PPP1R9A: variants seen among roughly 807,000 people sequenced by gnomAD.
PPP1R9A encodes neurabin-1.
In PPP1R9A, 59 loss-of-function variants were observed where a neutral mutation model predicts 141.9. That is an observed-to-expected ratio of 0.42 (90% confidence interval 0.34 to 0.52). The LOEUF is 0.52. Ranked by LOEUF, PPP1R9A falls within the 20% of genes least tolerant of loss-of-function variation. The pLI, the probability that PPP1R9A is intolerant of heterozygous loss-of-function variation, is 0.10. For synonymous variants in PPP1R9A, 500 were observed against 569.7 expected (o/e 0.88, Z 1.74); for missense variants, 1,444 against 1,611.9 (o/e 0.90, Z 1.78).
At chr7:95,114,000 C>T (rs1243375166) in intron 3 of PPP1R9A, among the ~76,000 whole-genome samples, 2 of 152,148 alleles carry the variant, frequency 1.3e-5, no homozygotes, top group East Asian at 1.9e-4. Context: ...GTAATGCTTA[C>T]ATTTTTCATA....
chr7:95,290,485 C>G lies in PPP1R9A; in HGVS notation c.*182C>G. ...CAATAGAATGCACTCTTAATTTTAACTACTAAAATAATCCCAAGCCACCTT... is the reference window on the plus strand; with the variant it reads ...CAATAGAATGCACTCTTAATTTTAAGTACTAAAATAATCCCAAGCCACCTT... On this transcript the variant is annotated 3_prime_UTR_variant, in exon 20 of 20. Coordinates refer to ENST00000433360, the MANE Select transcript of PPP1R9A (RefSeq NM_001166160.2). 1 of 662,012 alleles carries G rather than the reference C, an allele frequency of 1.5e-6. No individual in the cohort carries two copies. The allele number at this position is 662,012 out of a possible 1,614,324, so 41.0% of individuals were successfully genotyped here. A position where few individuals can be genotyped will look rare whatever the true frequency, so the allele number is the denominator to read the frequency against.
In PPP1R9A at chr7:95,161,983, C is replaced by A; in HGVS notation, c.1754+12C>A. 1 of 1,534,360 alleles carries A rather than the reference C, an allele frequency of 6.5e-7. No individual in the cohort carries two copies. Among genetic ancestry groups the A allele is most frequent in the Non-Finnish European group, 9.0e-7 (1 of 1,112,728 alleles). On this transcript the variant is annotated intron_variant, in intron 5 of 19. Transcript: ENST00000433360. ...AAGGGCAACGTCAGGTAAATACGTG[C>A]CTTCTAATATACACCATGTTGTTAC...
At chr7:95,240,565 A>G (rs1341140892) in intron 8 of PPP1R9A, among the ~76,000 whole-genome samples, 1 of 151,086 alleles carries the variant, frequency 6.6e-6, no homozygotes, top group African/African-American at 2.4e-5. Flanking sequence ...CTTTTTGTTA[A>G]TTTTTTATTG....
intron 16 of PPP1R9A, among the ~76,000 whole-genome samples, chr7:95,282,764 C>A (rs1804521302): frequency 1.3e-5 from 2 of 152,162 alleles, no homozygotes; most frequent in African/African-American, 4.8e-5. Context: ...TCACTGACTT[C>A]TTCATTCTCT....
At position 94,910,745 on chromosome 7, in the gene PPP1R9A, A is replaced by T. The variant is rs892188732; in HGVS notation, c.632A>T (p.Asn211Ile). Residue 211 changes from asparagine to isoleucine, a missense_variant, in exon 2 of 20, where the codon AAC (asparagine) becomes ATC (isoleucine). Physicochemically the swap from Asn to Ile is moderately radical, Grantham distance 149. Around this residue, in one of 5 missense-constraint regions of PPP1R9A, gnomAD observed 490 missense variants for 521.1 expected, o/e 0.94. Coordinates refer to ENST00000433360, the MANE Select transcript of PPP1R9A (RefSeq NM_001166160.2). The surrounding 1 kb of genome is among the most constrained non-coding windows in gnomAD (Gnocchi z 4.5). Reference protein sequence around the residue: ...TVSQLSAVFENTDSPSAIISE... With the variant: ...TVSQLSAVFEITDSPSAIISE... ...AGTCAACTGAGTGCAGTATTTGAGA[A>T]CACTGATTCTCCCAGTGCCATCATT... 2.5e-6 allele frequency: 4 copies of T among 1,614,100 alleles called. No individual in the cohort carries two copies. Among genetic ancestry groups the T allele is most frequent in the Non-Finnish European group, 3.4e-6 (4 of 1,180,024 alleles).
intron 2 of PPP1R9A, among the ~76,000 whole-genome samples, chr7:94,960,712 A>G (rs774890608): frequency 2.0e-5 from 3 of 151,766 alleles, no homozygotes; most frequent in Non-Finnish European, 4.4e-5. Flanking sequence ...TTCAGGGGTC[A>G]TAAAACTATT....
chr7:95,241,835 A>T (rs1797510874), intron 8 of PPP1R9A, among the ~76,000 whole-genome samples: 1 of 152,156 alleles, frequency 6.6e-6, no homozygotes, highest in African/African-American at 2.4e-5. Flanking sequence ...GGGAAGCTAT[A>T]AATTGCTGCC....
chr7:94,951,140 A>AT (rs769810011), intron 2 of PPP1R9A, among the ~76,000 whole-genome samples: 2 of 151,894 alleles, frequency 1.3e-5, no homozygotes, highest in Non-Finnish European at 2.9e-5. Context: ...CAGATTTCAG[A>AT]TTTTCTAAAT....
At chr7:95,034,883 T>C (rs1808228147) in intron 2 of PPP1R9A, among the ~76,000 whole-genome samples, 1 of 152,222 alleles carries the variant, frequency 6.6e-6, no homozygotes, top group Non-Finnish European at 1.5e-5. Context: ...AGTAGAGCAT[T>C]ATGATTTCTG....
intron 2 of PPP1R9A, among the ~76,000 whole-genome samples, chr7:94,992,637 G>A (rs1801658861): frequency 6.6e-6 from 1 of 152,100 alleles, no homozygotes; most frequent in Non-Finnish European, 1.5e-5. Context: ...CACTTGGGCT[G>A]GGCAGTCTTT....
chr7:95,049,858 C>T (rs562232234), intron 2 of PPP1R9A, among the ~76,000 whole-genome samples: 33 of 152,236 alleles, frequency 2.2e-4, no homozygotes, highest in African/African-American at 7.7e-4. Context: ...TAGATCATTT[C>T]TTTTTAGCTC....
intron 4 of PPP1R9A, among the ~76,000 whole-genome samples, chr7:95,132,955 C>T (rs1824932986): frequency 6.6e-6 from 1 of 152,196 alleles, no homozygotes. Flanking sequence ...CTTCGTGTTA[C>T]AGATCGTTTG....
chr7:94,939,060 T>C (rs1216660614), intron 2 of PPP1R9A, among the ~76,000 whole-genome samples: 1 of 152,100 alleles, frequency 6.6e-6, no homozygotes, highest in East Asian at 1.9e-4. Flanking sequence ...AATTCATTAC[T>C]GTGTGATGAA....
At chr7:95,072,344 G>A (rs142029289) in intron 2 of PPP1R9A, among the ~76,000 whole-genome samples, 3,881 of 141,656 alleles carry the variant, frequency 0.027, 178 homozygotes, top group African/African-American at 0.095. Context: ...AATAATATAA[G>A]TTATATTATT....
chr7:94,910,069 T>A lies in PPP1R9A; in HGVS notation c.-45T>A, dbSNP rs888340359. 4 of 1,538,736 alleles carry A rather than the reference T, an allele frequency of 2.6e-6. No individual in the cohort carries two copies. In the African/African-American group the frequency reaches 4.2e-5, roughly 16 times the overall value. ...AGAGGTATCTTGGTTTTTGGTTTTT[T>A]TCTTTGATCATTATGAACATTGGCT... On this transcript the variant is annotated 5_prime_UTR_variant, in exon 2 of 20. Transcript: ENST00000433360. This position sits in a 1 kb window ranked among gnomAD's most constrained non-coding sequence, Gnocchi z 4.5.
chr7:95,118,130 C>T (rs1821847050), intron 3 of PPP1R9A, among the ~76,000 whole-genome samples: 1 of 152,164 alleles, frequency 6.6e-6, no homozygotes, highest in South Asian at 2.1e-4. Context: ...GAGAAAAACC[C>T]TATGCATGTA....
At chr7:95,164,726 TTTTTCTTTTC>T (rs1405723233) in intron 5 of PPP1R9A, among the ~76,000 whole-genome samples, 1 of 145,474 alleles carries the variant, frequency 6.9e-6, no homozygotes, top group Non-Finnish European at 1.5e-5. Context: ...ACCATGGTTT[TTTTTCTTTTC>T]TTTTCTTTTT....
At chr7:94,998,060 G>A (rs2151490107) in intron 2 of PPP1R9A, among the ~76,000 whole-genome samples, 1 of 152,240 alleles carries the variant, frequency 6.6e-6, no homozygotes, top group Non-Finnish European at 1.5e-5. Context: ...GGCAGAAGTG[G>A]AACAGTTTCT....
At chr7:95,135,422 T>G (rs190773960) in intron 4 of PPP1R9A, among the ~76,000 whole-genome samples, 1 of 152,350 alleles carries the variant, frequency 6.6e-6, no homozygotes, top group Admixed American at 6.5e-5. Context: ...ATTAGATTAC[T>G]TAGTCCCTTC....
Sources: gnomAD v4.1 joint callset for allele counts (sites outside exome capture counted in the v4.1 genomes callset) on GRCh38, gnomAD v4.1.1 for gene constraint, gnomAD v4.1.1 regional missense constraint, Gnocchi (gnomAD v3.1) non-coding constraint, MANE v1.5 for transcripts, NCBI Gene and HGNC (gene_info 2026-07-23, HGNC 2026-07-21) for gene names.